The following PALM variants were observed in gnomAD, a reference collection of about 807,000 sequenced individuals.
The protein encoded by PALM is paralemmin-1.
Under a neutral mutation model 30.7 loss-of-function variants are expected in PALM, and 18 were observed. The ratio of observed to expected loss-of-function variants is 0.59; its 90% CI spans 0.41 to 0.87. The LOEUF (loss-of-function observed/expected upper bound fraction) is 0.87. PALM is among the 40% of genes least tolerant of loss of function. The pLI is 0.00. For missense variants in PALM, 529 were observed against 555.4 expected (o/e 0.95, Z 0.48); for synonymous variants, 286 against 242.8 (o/e 1.18, Z -1.66).
At chr19:737,922 C>G (rs1208938735) in intron 7 of PALM, among the ~76,000 whole-genome samples, 1 of 152,152 alleles carries the variant, frequency 6.6e-6, no homozygotes, top group African/African-American at 2.4e-5. Context: ...TGCCCCGACT[C>G]CGTGCTCACC....
intron 4 of PALM, among the ~76,000 whole-genome samples, chr19:729,204 T>C (rs939192914): frequency 9.9e-4 from 149 of 151,034 alleles, no homozygotes; most frequent in African/African-American, 3.5e-3. Context: ...CGGGCGCCTG[T>C]AATCCCAGCT....
chr19:711,369 C>T (rs1319417853), intron 1 of PALM, among the ~76,000 whole-genome samples: 1 of 152,162 alleles, frequency 6.6e-6, no homozygotes, highest in African/African-American at 2.4e-5. Context: ...GTCCTGGGTA[C>T]AGGCAAGGCT....
intron 8 of PALM, among the ~76,000 whole-genome samples, chr19:744,244 C>T (rs910232976): frequency 1.3e-5 from 2 of 151,598 alleles, no homozygotes; most frequent in South Asian, 4.2e-4. Flanking sequence ...ACTAAAAATA[C>T]AAAAAATTAG....
Position 732,238 on chromosome 19 carries a change from G to T in PALM, c.420+993G>T, listed in dbSNP as rs556758357. 2.6e-5 allele frequency among the ~76,000 whole-genome samples: 4 copies of T among 152,326 alleles called. No homozygotes were observed. In the South Asian group the frequency reaches 8.3e-4, roughly 32 times the overall value. ...CCTGCATCTGTTTCATGTGGCCAAG[G>T]CTCCTGAAAGCCCTTCCTGTGGGAA... On this transcript the variant is annotated intron_variant, in intron 5 of 8. Transcript: ENST00000338448.
chr19:744,527 T>G (rs1332003737), intron 8 of PALM, among the ~76,000 whole-genome samples: 1 of 152,144 alleles, frequency 6.6e-6, no homozygotes, highest in African/African-American at 2.4e-5. Context: ...GAATGAAACT[T>G]TAACTCAAGT....
At chr19:745,776 C>T (rs1050693226) in intron 8 of PALM, among the ~76,000 whole-genome samples, 5 of 149,464 alleles carry the variant, frequency 3.3e-5, no homozygotes, top group Non-Finnish European at 7.4e-5. Context: ...TCCTCATTGT[C>T]GGCTGGGCCT....
chr19:713,399 C>G (rs771420285), intron 1 of PALM, among the ~76,000 whole-genome samples: 4 of 152,050 alleles, frequency 2.6e-5, no homozygotes, highest in Admixed American at 6.6e-5. Context: ...CCTCACTGTT[C>G]TCATCTGGCG....
chr19:740,245 T>C, intron 7 of PALM, 107 bp from the exon 8 acceptor site: 1 of 1,173,958 alleles, frequency 8.5e-7, no homozygotes, highest in Non-Finnish European at 1.2e-6. Context: ...GCCCCATCGC[T>C]GCTTGGCTCT....
chr19:745,567 T>C (rs1288701038), intron 8 of PALM, among the ~76,000 whole-genome samples: 1 of 151,244 alleles, frequency 6.6e-6, no homozygotes, highest in Non-Finnish European at 1.5e-5. Flanking sequence ...TGTTGGTGCA[T>C]GCCTGTAATC....
At chr19:728,729 C>T (rs1302253564) in intron 4 of PALM, among the ~76,000 whole-genome samples, 1 of 151,926 alleles carries the variant, frequency 6.6e-6, no homozygotes, top group Non-Finnish European at 1.5e-5. Flanking sequence ...GAAGGCCAGG[C>T]GCGGTGGCTC....
chr19:740,698 C>T (rs1309366620), intron 8 of PALM, among the ~76,000 whole-genome samples: 1 of 152,232 alleles, frequency 6.6e-6, no homozygotes, highest in Non-Finnish European at 1.5e-5. Flanking sequence ...CATTCATCCA[C>T]TCCAGAAAGC....
chr19:726,449 C>T (rs1022326310), intron 2 of PALM, among the ~76,000 whole-genome samples: 1 of 152,114 alleles, frequency 6.6e-6, no homozygotes, highest in African/African-American at 2.4e-5. Context: ...GGAACCCTGC[C>T]CTCGTCCTGC....
At position 719,554 on chromosome 19, in the gene PALM, CGGGACCCCCAGCACCTGCCCT is replaced by C. The variant is rs1005924704; in HGVS notation, c.6-6570_6-6550del. On this transcript the variant is annotated intron_variant, in intron 1 of 8. Transcript: ENST00000338448. ...AGGCTCGGAGACCCAGCACCTGCCC[CGGGACCCCCAGCACCTGCCCT>C]GGGACCCCCAGCAGCACCAGGACCG... 20 of 985,568 alleles carry C rather than the reference CGGGACCCCCAGCACCTGCCCT, an allele frequency of 2.0e-5. 1 individual carries two copies. The highest frequency in any genetic ancestry group is 1.4e-4 in the South Asian group (3 of 21,318). The allele number at this position is 985,568 out of a possible 1,614,324, so 61.1% of individuals were successfully genotyped here.
intron 1 of PALM, among the ~76,000 whole-genome samples, chr19:721,677 G>A (rs977330867): frequency 6.7e-6 from 1 of 148,402 alleles, no homozygotes; most frequent in Non-Finnish European, 1.5e-5. Context: ...GGCTCACCGT[G>A]ACTTCTGCCT....
intron 1 of PALM, among the ~76,000 whole-genome samples, chr19:716,496 T>G (rs532845018): frequency 5.3e-5 from 8 of 149,696 alleles, no homozygotes; most frequent in Admixed American, 1.3e-4. Flanking sequence ...AGACTGGTGG[T>G]GGGACAGGGC....
chr19:718,547 C>T (rs548109547), intron 1 of PALM, among the ~76,000 whole-genome samples: 1 of 152,222 alleles, frequency 6.6e-6, no homozygotes, highest in Non-Finnish European at 1.5e-5. Context: ...AGGGTCCCTT[C>T]CCACCCCAGG....
intron 1 of PALM, among the ~76,000 whole-genome samples, chr19:716,680 G>A (rs981269566): frequency 6.6e-6 from 1 of 152,178 alleles, no homozygotes; most frequent in Non-Finnish European, 1.5e-5. Flanking sequence ...GCCATGGAAA[G>A]TCTCAGGGCA....
At chr19:719,291 G>C (rs1336315985) in intron 1 of PALM, 1 of 985,198 alleles carries the variant, frequency 1.0e-6, no homozygotes, top group Admixed American at 6.1e-5. Context: ...CAACACCAAC[G>C]CCCCGCACCG....
At chr19:741,017 T>TACA (rs1568233186) in intron 8 of PALM, among the ~76,000 whole-genome samples, 2 of 148,870 alleles carry the variant, frequency 1.3e-5, no homozygotes, top group Non-Finnish European at 3.0e-5. Flanking sequence ...TGCGTGCCTG[T>TACA]GGTCCCAGCT....
Sources: gnomAD v4.1 joint callset for allele counts (sites outside exome capture counted in the v4.1 genomes callset) on GRCh38, gnomAD v4.1.1 for gene constraint, MANE v1.5 for transcripts, NCBI Gene and HGNC (gene_info 2026-07-23, HGNC 2026-07-21) for gene names.